Variants in EDARADD observed in about 807,000 individuals in gnomAD.
EDARADD encodes the protein ectodysplasin-A receptor-associated adapter protein.
EDARADD carries 20 observed loss-of-function variants against 25.6 expected under a neutral mutation model. The ratio of observed to expected loss-of-function variants is 0.78; its 90% CI spans 0.55 to 1.14. The LOEUF (loss-of-function observed/expected upper bound fraction) is 1.14. Among genes scored for constraint, EDARADD ranks in the 50% most tolerant of loss-of-function variants. The probability of loss-of-function intolerance (pLI) is 0.00; values close to 1 mark genes in which losing one functional copy is unlikely to be tolerated. For synonymous variants in EDARADD, 86 were observed against 94.4 expected (o/e 0.91, Z 0.52); for missense variants, 225 against 270.1 (o/e 0.83, Z 1.17).
chr1:236,400,298 C>T (rs1016073857), intron 1 of EDARADD, among the ~76,000 whole-genome samples: 6 of 152,064 alleles, frequency 3.9e-5, no homozygotes, highest in Admixed American at 3.3e-4. Context: ...TTTGATCCCC[C>T]GTCAGTAGCC....
Position 236,455,141 on chromosome 1 carries a change from C to T in EDARADD, c.220-13090C>T, listed in dbSNP as rs113932364. Among the ~76,000 whole-genome samples, 634 of 151,918 alleles carry T rather than the reference C, an allele frequency of 4.2e-3. 5 individuals are homozygous for T. The highest frequency in any genetic ancestry group is 0.014 in the African/African-American group (581 of 41,410). The stretch of plus-strand genomic sequence containing the variant: ...AGAAGAATCGCTTAAACCCGTGAGG[C>T]GGAGGTTGCAGTGAGCCGAGATTGT... On this transcript the variant is annotated intron_variant, in intron 4 of 5. Coordinates refer to ENST00000334232, the MANE Select transcript of EDARADD (RefSeq NM_145861.4).
In EDARADD at chr1:236,482,757, A is replaced by C; in HGVS notation, c.*108A>C. On this transcript the variant is annotated 3_prime_UTR_variant, in exon 6 of 6. Transcript: ENST00000334232. ...AGAGTTTAGGACAAGGACGTGGAAC[A>C]GTGGACACTGGTTTTCCCCAAAGCT... The C allele has an allele frequency of 6.5e-7, 1 of 1,535,520 alleles. No individual in the cohort carries two copies. Among genetic ancestry groups the C allele is most frequent in the Non-Finnish European group, 8.9e-7 (1 of 1,128,502 alleles).
chr1:236,461,070 C>T (rs549384618), intron 4 of EDARADD, among the ~76,000 whole-genome samples: 22 of 152,158 alleles, frequency 1.4e-4, no homozygotes, highest in Non-Finnish European at 1.9e-4. Flanking sequence ...GATCTGCCCA[C>T]CTCAGCCTCC....
At chr1:236,463,280 G>A (rs1659087177) in intron 4 of EDARADD, among the ~76,000 whole-genome samples, 1 of 152,002 alleles carries the variant, frequency 6.6e-6, no homozygotes, top group Non-Finnish European at 1.5e-5. Flanking sequence ...TTTTTATTGT[G>A]GTAAAATACA....
At chr1:236,353,407 C>T (rs962485149) in intron 3 of EDARADD, among the ~76,000 whole-genome samples, 3 of 152,078 alleles carry the variant, frequency 2.0e-5, no homozygotes, top group Non-Finnish European at 2.9e-5. Flanking sequence ...GACAGCCAGG[C>T]GCGGTGGCTC....
intron 4 of EDARADD, among the ~76,000 whole-genome samples, chr1:236,458,719 C>G (rs1380488522): frequency 2.0e-5 from 3 of 147,806 alleles, no homozygotes; most frequent in Non-Finnish European, 4.5e-5. Flanking sequence ...TCCCAGCTCA[C>G]TGCAACCTTC....
At chr1:236,420,549 T>A (rs1187844804) in intron 3 of EDARADD, among the ~76,000 whole-genome samples, 1 of 152,228 alleles carries the variant, frequency 6.6e-6, no homozygotes, top group Non-Finnish European at 1.5e-5. Flanking sequence ...GTTAAATGTT[T>A]AACATGAATT....
chr1:236,399,367 A>G (rs1667576278), intron 1 of EDARADD, among the ~76,000 whole-genome samples: 1 of 152,060 alleles, frequency 6.6e-6, no homozygotes, highest in Non-Finnish European at 1.5e-5. Context: ...TTTCTTTTTT[A>G]GTAGAGACGG....
chr1:236,460,539 A>G (rs1659010553), intron 4 of EDARADD, among the ~76,000 whole-genome samples: 1 of 152,170 alleles, frequency 6.6e-6, no homozygotes, highest in South Asian at 2.1e-4. Flanking sequence ...TAATAGATAT[A>G]TGTCCACATT....
chr1:236,441,206 A>G (rs1168586729), intron 4 of EDARADD, among the ~76,000 whole-genome samples: 1 of 149,920 alleles, frequency 6.7e-6, no homozygotes, highest in African/African-American at 2.4e-5. Context: ...TAAAAGATCA[A>G]ACTACCCACA....
intron 5 of EDARADD, among the ~76,000 whole-genome samples, chr1:236,473,315 C>T (rs746535614): frequency 1.3e-5 from 2 of 151,932 alleles, no homozygotes; most frequent in African/African-American, 4.8e-5. Context: ...TGCAAAGGAC[C>T]CGGCCCGTGG....
chr1:236,363,006 A>AAAAAAAAAAAAAAT lies in EDARADD; in HGVS notation c.-6+12168_-6+12169insAAAAAAAAAAAATA, dbSNP rs1377112051. ...TTTTAAGAAAAAAAAAAAAAAAAAA[A>AAAAAAAAAAAAAAT]ATATATATATATATATATATATATA... On this transcript the variant is annotated intron_variant, in intron 3 of 7. Coordinates refer to the EDARADD transcript ENST00000439430. Among the ~76,000 whole-genome samples, 18 of 42,950 alleles carry AAAAAAAAAAAAAAT rather than the reference A, an allele frequency of 4.2e-4. 1 individual carries two copies. The highest frequency in any genetic ancestry group is 2.0e-3 in the African/African-American group (18 of 9,038). 28.2% of individuals were successfully genotyped at this position (42,950 alleles called of 152,430 possible).
At chr1:236,439,885 T>C (rs1195786092) in intron 4 of EDARADD, among the ~76,000 whole-genome samples, 1 of 152,222 alleles carries the variant, frequency 6.6e-6, no homozygotes, top group Admixed American at 6.5e-5. Context: ...CTTTCTTGGA[T>C]TGTGCCTTTG....
intron 5 of EDARADD, among the ~76,000 whole-genome samples, chr1:236,473,431 C>T (rs930811345): frequency 4.6e-5 from 7 of 152,148 alleles, no homozygotes; most frequent in Admixed American, 4.6e-4. Flanking sequence ...TGAGGAGCAG[C>T]AGAGGAGGTG....
intron 3 of EDARADD, among the ~76,000 whole-genome samples, chr1:236,369,893 G>GTTA (rs1232792258): frequency 6.6e-6 from 1 of 152,072 alleles, no homozygotes; most frequent in Non-Finnish European, 1.5e-5. Flanking sequence ...TATCCTTGAT[G>GTTA]TTATCATACT....
chr1:236,363,424 C>T (rs1667078040), intron 3 of EDARADD, among the ~76,000 whole-genome samples: 1 of 151,332 alleles, frequency 6.6e-6, no homozygotes, highest in Non-Finnish European at 1.5e-5. Context: ...TGTCACGTCC[C>T]CCACATGTTC....
At chr1:236,406,242 T>C (rs1667737287) in intron 1 of EDARADD, among the ~76,000 whole-genome samples, 1 of 152,018 alleles carries the variant, frequency 6.6e-6, no homozygotes, top group South Asian at 2.1e-4. Context: ...TTGTGGTGGC[T>C]TCTACCACCC....
chr1:236,451,061 G>A (rs1344414481), intron 4 of EDARADD, among the ~76,000 whole-genome samples: 5 of 151,954 alleles, frequency 3.3e-5, no homozygotes, highest in East Asian at 1.9e-4. Flanking sequence ...GAATTTTTGC[G>A]CCTATCCCCA....
In EDARADD at chr1:236,483,663, G is replaced by T; in HGVS notation, c.*1014G>T. 1 of 1,575,370 alleles carries T rather than the reference G, an allele frequency of 6.3e-7. No homozygotes were observed. The highest frequency in any genetic ancestry group is 8.7e-7 in the Non-Finnish European group (1 of 1,146,650). ...TGCTGTCACCAAGCTGGCCATGCAG[G>T]AGTTCATGGTCCTCCCAGTCGGTGC... is the stretch of plus-strand genomic sequence containing the variant. On this transcript the variant is annotated 3_prime_UTR_variant, in exon 6 of 6. Coordinates refer to ENST00000334232, the MANE Select transcript of EDARADD (RefSeq NM_145861.4).
Sources: gnomAD v4.1 joint callset for allele counts (sites outside exome capture counted in the v4.1 genomes callset) on GRCh38, gnomAD v4.1.1 for gene constraint, MANE v1.5 for transcripts, NCBI Gene and HGNC (gene_info 2026-07-23, HGNC 2026-07-21) for gene names.